IGF1R: variants seen among roughly 807,000 people sequenced by gnomAD.
IGF1R encodes insulin-like growth factor 1 receptor.
A neutral mutation model predicts 144.6 loss-of-function variants in IGF1R; 44 were observed. The observed-to-expected ratio is 0.30, with a 90% CI of 0.24 to 0.39. The LOEUF (loss-of-function observed/expected upper bound fraction) is 0.39. Among genes scored for constraint, IGF1R ranks in the 10% least tolerant of loss-of-function variants. IGF1R has a pLI of 1.00. For missense variants in IGF1R, 1,355 were observed against 1,833.7 expected (o/e 0.74, Z 4.77); for synonymous variants, 795 against 722.8 (o/e 1.10, Z -1.60).
rs75113652 is a variant in IGF1R, at chr15:98,869,195, C to T, written c.641-22130C>T. Among the ~76,000 whole-genome samples, 450 of 152,174 alleles carry T rather than the reference C, an allele frequency of 3.0e-3. 2 individuals carry two copies. Among genetic ancestry groups the T allele is most frequent in the African/African-American group, 0.01 (433 of 41,514 alleles). ...TTGACTGTTGAAACATAGGAAAGTACTTATCCGCCAGGAAACTCCCTTCTA... is the reference window on the plus strand; with the variant it reads ...TTGACTGTTGAAACATAGGAAAGTATTTATCCGCCAGGAAACTCCCTTCTA... On this transcript the variant is annotated intron_variant, in intron 2 of 20. Transcript: ENST00000650285.
chr15:98,859,728 G>T (rs921859794), intron 2 of IGF1R, among the ~76,000 whole-genome samples: 1 of 152,154 alleles, frequency 6.6e-6, no homozygotes, highest in Non-Finnish European at 1.5e-5. Flanking sequence ...ATGATTAACT[G>T]TATAGATTGA....
intron 2 of IGF1R, among the ~76,000 whole-genome samples, chr15:98,764,795 A>G (rs933760919): frequency 1.3e-5 from 2 of 152,192 alleles, no homozygotes; most frequent in African/African-American, 4.8e-5. Context: ...TTGTTTAAAA[A>G]ATTTTTTTAT....
intron 2 of IGF1R, among the ~76,000 whole-genome samples, chr15:98,875,216 CA>C (rs11302100): frequency 0.98 from 147,220 of 149,974 alleles, 72,306 homozygotes; most frequent in East Asian, 1. Context: ...TGAAGAAGGC[CA>C]AAAAAAAAAA....
chr15:98,756,389 C>T (rs117271669), intron 2 of IGF1R, among the ~76,000 whole-genome samples: 1 of 151,640 alleles, frequency 6.6e-6, no homozygotes, highest in African/African-American at 2.4e-5. Context: ...AGCTTTTAAG[C>T]CTTTTCTCTG....
chr15:98,899,408 T>G, intron 4 of IGF1R, 69 bp from the exon 5 acceptor site: 1 of 1,516,142 alleles, frequency 6.6e-7, no homozygotes. Context: ...CACTTGTGTT[T>G]GTAAGAATCC....
intron 2 of IGF1R, among the ~76,000 whole-genome samples, chr15:98,869,954 C>T (rs2012692578): frequency 2.0e-5 from 3 of 152,168 alleles, no homozygotes; most frequent in Non-Finnish European, 4.4e-5. Flanking sequence ...CCGCAAGGAG[C>T]TTACAATGTG....
intron 2 of IGF1R, among the ~76,000 whole-genome samples, chr15:98,715,048 C>A (rs543326923): frequency 6.6e-6 from 1 of 152,094 alleles, no homozygotes; most frequent in Non-Finnish European, 1.5e-5. Context: ...TCTCGGTTGC[C>A]CTGGAAGGCC....
intron 2 of IGF1R, among the ~76,000 whole-genome samples, chr15:98,793,120 A>G (rs2056163865): frequency 6.6e-6 from 1 of 152,166 alleles, no homozygotes; most frequent in South Asian, 2.1e-4. Context: ...GTTGCTCCAA[A>G]TTCTCTTGCC....
At chr15:98,730,660 G>GT (rs1441292188) in intron 2 of IGF1R, among the ~76,000 whole-genome samples, 4 of 152,138 alleles carry the variant, frequency 2.6e-5, no homozygotes, top group Non-Finnish European at 4.4e-5. Context: ...AAGAATTTGA[G>GT]TATATGTTCC....
At chr15:98,790,416 G>T (rs544479884) in intron 2 of IGF1R, among the ~76,000 whole-genome samples, 5 of 152,352 alleles carry the variant, frequency 3.3e-5, no homozygotes, top group African/African-American at 1.2e-4. Context: ...AACGCCATAA[G>T]CTCCTCATGA....
chr15:98,746,762 G>T (rs1473023246), intron 2 of IGF1R, among the ~76,000 whole-genome samples: 2 of 151,934 alleles, frequency 1.3e-5, no homozygotes, highest in African/African-American at 4.8e-5. Context: ...GTTGTGTTTT[G>T]CCTTTTAATT....
intron 7 of IGF1R, among the ~76,000 whole-genome samples, 166 bp from the exon 8 acceptor site, chr15:98,912,878 C>G (rs968457573): frequency 6.6e-5 from 10 of 152,218 alleles, no homozygotes; most frequent in Admixed American, 6.5e-4. Flanking sequence ...ACTGGGGAAG[C>G]CCAGAGTCCA....
At chr15:98,663,355 TA>T (rs2052645510) in intron 1 of IGF1R, among the ~76,000 whole-genome samples, 1 of 152,052 alleles carries the variant, frequency 6.6e-6, no homozygotes, top group African/African-American at 2.4e-5. Flanking sequence ...TGGAGAGAGC[TA>T]GGGGAGAGCA....
intron 1 of IGF1R, among the ~76,000 whole-genome samples, chr15:98,672,190 C>T (rs1464876544): frequency 6.6e-6 from 1 of 152,128 alleles, no homozygotes; most frequent in East Asian, 1.9e-4. Context: ...ATTCTTGCAA[C>T]AAAGGAGAAG....
At chr15:98,770,559 C>T (rs907249721) in intron 2 of IGF1R, among the ~76,000 whole-genome samples, 1 of 151,886 alleles carries the variant, frequency 6.6e-6, no homozygotes, top group African/African-American at 2.4e-5. Flanking sequence ...TTCAAAATAT[C>T]ATATTAACCC....
intron 1 of IGF1R, among the ~76,000 whole-genome samples, chr15:98,701,568 C>T (rs2053734229): frequency 6.6e-6 from 1 of 152,108 alleles, no homozygotes; most frequent in South Asian, 2.1e-4. Flanking sequence ...TCTTGATCTT[C>T]TGACCCGTGA....
chr15:98,840,683 T>G lies in IGF1R; in HGVS notation c.641-50642T>G, dbSNP rs868600066. 4.8e-3 allele frequency among the ~76,000 whole-genome samples: 730 copies of G among 150,886 alleles called. 9 individuals carry two copies. The highest frequency in any genetic ancestry group is 0.017 in the African/African-American group (681 of 41,178). On this transcript the variant is annotated intron_variant, in intron 2 of 20. Coordinates refer to ENST00000650285, the MANE Select transcript of IGF1R (RefSeq NM_000875.5). Reference sequence around the variant, plus strand: ...GGTTTTTGTTTTTTGTTTTGTTTTTTTTTTTTTTTTGAGGTGGAGTCTTGC... The same window carrying G: ...GGTTTTTGTTTTTTGTTTTGTTTTTGTTTTTTTTTTGAGGTGGAGTCTTGC...
At chr15:98,942,628 C>T (rs2151718584) in intron 18 of IGF1R, among the ~76,000 whole-genome samples, 1 of 152,344 alleles carries the variant, frequency 6.6e-6, no homozygotes. Context: ...CGTTGAGTCA[C>T]TGCGCTCAGC....
chr15:98,663,027 C>T (rs1333061923), intron 1 of IGF1R, among the ~76,000 whole-genome samples: 1 of 152,028 alleles, frequency 6.6e-6, no homozygotes, highest in Non-Finnish European at 1.5e-5. Flanking sequence ...AGATAGACAC[C>T]CCGGTGTGAG....
Sources: gnomAD v4.1 joint callset for allele counts (sites outside exome capture counted in the v4.1 genomes callset) on GRCh38, gnomAD v4.1.1 for gene constraint, MANE v1.5 for transcripts, NCBI Gene and HGNC (gene_info 2026-07-23, HGNC 2026-07-21) for gene names.